Variants in LRRTM4 observed in about 807,000 individuals in gnomAD.
LRRTM4 encodes the protein leucine-rich repeat transmembrane neuronal protein 4.
LRRTM4 carries 25 observed loss-of-function variants against 47.6 expected under a neutral mutation model. The ratio of observed to expected loss-of-function variants is 0.53; its 90% CI spans 0.38 to 0.73. LRRTM4 has a LOEUF of 0.73. LRRTM4 is among the 30% of genes least tolerant of loss of function. The pLI is 0.00. For synonymous variants in LRRTM4, 311 were observed against 269.5 expected (o/e 1.15, Z -1.51); for missense variants, 638 against 713.4 (o/e 0.89, Z 1.20).
At chr2:77,041,706 G>C (rs1309104304) in intron 3 of LRRTM4, among the ~76,000 whole-genome samples, 3 of 150,838 alleles carry the variant, frequency 2.0e-5, no homozygotes, top group Non-Finnish European at 3.0e-5. Flanking sequence ...CTTTTTTTGA[G>C]AAGTATCTAT....
intron 3 of LRRTM4, among the ~76,000 whole-genome samples, chr2:77,145,545 G>A (rs1672234335): frequency 6.6e-6 from 1 of 151,528 alleles, no homozygotes; most frequent in Admixed American, 6.6e-5. Flanking sequence ...AAGGCGGGCA[G>A]ATCATGAGGC....
chr2:77,007,054 C>G (rs1677680426), intron 3 of LRRTM4, among the ~76,000 whole-genome samples: 1 of 151,450 alleles, frequency 6.6e-6, no homozygotes. Flanking sequence ...ATTGTATGAA[C>G]AGTTTGAGTT....
intron 3 of LRRTM4, among the ~76,000 whole-genome samples, chr2:77,163,113 C>G (rs1010012725): frequency 1.3e-5 from 2 of 152,066 alleles, no homozygotes; most frequent in Non-Finnish European, 2.9e-5. Flanking sequence ...CGAGAATAAA[C>G]AGCATAGAGA....
intron 3 of LRRTM4, among the ~76,000 whole-genome samples, chr2:77,141,220 C>G (rs1358951265): frequency 1.3e-5 from 2 of 152,146 alleles, no homozygotes; most frequent in Non-Finnish European, 2.9e-5. Context: ...TTGTAACCAA[C>G]CCAAATGTCC....
At position 77,477,842 on chromosome 2, in the gene LRRTM4, C is replaced by CAAA. The variant is rs138492779; in HGVS notation, c.1551+40473_1551+40475dup. Among the ~76,000 whole-genome samples, 22 of 97,126 alleles carry CAAA rather than the reference C, an allele frequency of 2.3e-4. 1 individual carries two copies. Among genetic ancestry groups the CAAA allele is most frequent in the East Asian group, 8.6e-4 (2 of 2,316 alleles). The allele number at this position is 97,126 out of a possible 152,430, so 63.7% of individuals were successfully genotyped here. A position where few individuals can be genotyped will look rare whatever the true frequency, so the allele number is the denominator to read the frequency against. On this transcript the variant is annotated intron_variant, in intron 3 of 3. Transcript: ENST00000409884. ...CAACAAGGCTGGAGCAAAACTCCAT[C>CAAA]AAAAAAAAAAAAAAGAAAGAGAGAG...
chr2:77,301,510 C>T (rs543030353), intron 3 of LRRTM4, among the ~76,000 whole-genome samples: 2 of 152,056 alleles, frequency 1.3e-5, no homozygotes, highest in African/African-American at 4.8e-5. Context: ...TTACTACTAA[C>T]AAAAAGTAAT....
intron 3 of LRRTM4, among the ~76,000 whole-genome samples, chr2:77,123,244 A>AGAGAGAGAGAGAG: frequency 6.6e-6 from 1 of 151,336 alleles, no homozygotes; most frequent in African/African-American, 2.4e-5. Flanking sequence ...AGAGAGAGAG[A>AGAGAGAGAGAGAG]AATTTAATTC....
At chr2:77,062,154 G>A (rs1273022956) in intron 3 of LRRTM4, among the ~76,000 whole-genome samples, 6 of 152,220 alleles carry the variant, frequency 3.9e-5, no homozygotes, top group Admixed American at 3.3e-4. Context: ...TTTTTGGGGG[G>A]TGGCAGGCAT....
chr2:77,317,822 G>C (rs1011538848), intron 3 of LRRTM4, among the ~76,000 whole-genome samples: 2 of 151,918 alleles, frequency 1.3e-5, no homozygotes, highest in Non-Finnish European at 2.9e-5. Context: ...ATTGCCTATT[G>C]ATTACCAAAA....
intron 3 of LRRTM4, among the ~76,000 whole-genome samples, chr2:77,470,054 A>C (rs1677128336): frequency 6.6e-6 from 1 of 152,198 alleles, no homozygotes; most frequent in Non-Finnish European, 1.5e-5. Context: ...AAGAAGTGAA[A>C]GTCACTCAGG....
chr2:76,952,076 C>T (rs1319299922), intron 3 of LRRTM4, among the ~76,000 whole-genome samples: 1 of 151,956 alleles, frequency 6.6e-6, no homozygotes, highest in Non-Finnish European at 1.5e-5. Context: ...GTCAACAGTG[C>T]AGCAATAAAC....
At chr2:77,298,988 G>T (rs1677048803) in intron 3 of LRRTM4, among the ~76,000 whole-genome samples, 1 of 152,184 alleles carries the variant, frequency 6.6e-6, no homozygotes, top group East Asian at 1.9e-4. Flanking sequence ...AGAAGATGAT[G>T]CATAAAATCG....
chr2:77,226,415 G>T (rs1225749044), intron 3 of LRRTM4, among the ~76,000 whole-genome samples: 1 of 151,348 alleles, frequency 6.6e-6, no homozygotes, highest in East Asian at 1.9e-4. Flanking sequence ...AATATATAAA[G>T]GTCCTTTTAT....
At chr2:77,467,666 G>C (rs1334446842) in intron 3 of LRRTM4, among the ~76,000 whole-genome samples, 1 of 152,168 alleles carries the variant, frequency 6.6e-6, no homozygotes, top group Non-Finnish European at 1.5e-5. Context: ...GTTAGAGTGA[G>C]ATTGAGTTCA....
chr2:76,940,930 A>C (rs140952530), intron 3 of LRRTM4, among the ~76,000 whole-genome samples: 1 of 152,282 alleles, frequency 6.6e-6, no homozygotes, highest in Non-Finnish European at 1.5e-5. Context: ...ATTTGCTGAC[A>C]ATTTCAGTAC....
At position 77,226,753 on chromosome 2, in the gene LRRTM4, T is replaced by C. The variant is rs1674825040; in HGVS notation, c.1551+291565A>G. 2.0e-5 allele frequency among the ~76,000 whole-genome samples: 3 copies of C among 152,010 alleles called. No individual in the cohort carries two copies. The South Asian group carries it at 6.2e-4, about 31-fold the overall frequency. On this transcript the variant is annotated intron_variant, in intron 3 of 3. Transcript: ENST00000409884. Reference sequence around the variant, plus strand: ...ACATCCTATAAACCTCTTTTTGACATACATTGAATCCTTAAATAGGAATGT... The same window carrying C: ...ACATCCTATAAACCTCTTTTTGACACACATTGAATCCTTAAATAGGAATGT...
chr2:77,480,700 A>G (rs1459758111), intron 3 of LRRTM4, among the ~76,000 whole-genome samples: 1 of 152,008 alleles, frequency 6.6e-6, no homozygotes, highest in Non-Finnish European at 1.5e-5. Context: ...CAATTTACAA[A>G]AAGAATAACC....
intron 3 of LRRTM4, among the ~76,000 whole-genome samples, chr2:77,391,777 A>G (rs1673514288): frequency 6.6e-6 from 1 of 152,074 alleles, no homozygotes; most frequent in African/African-American, 2.4e-5. Context: ...TGGAATGGGG[A>G]GGTGAGACAT....
intron 3 of LRRTM4, among the ~76,000 whole-genome samples, chr2:77,183,400 A>T (rs977809035): frequency 6.6e-6 from 1 of 152,214 alleles, no homozygotes. Context: ...CACACCAGTT[A>T]GAATGGCGAT....
Sources: allele counts gnomAD v4.1 joint callset (sites outside exome capture counted in the v4.1 genomes callset), GRCh38; gene constraint gnomAD v4.1.1; transcripts MANE v1.5; gene names NCBI Gene and HGNC (gene_info 2026-07-23, HGNC 2026-07-21).